PRR33: variants seen among roughly 807,000 people sequenced by gnomAD.
PRR33 encodes the protein proline rich 33.
PRR33 carries 1 observed loss-of-function variant against 0.5 expected under a neutral mutation model. The ratio of observed to expected loss-of-function variants is 2.18; its 90% CI spans 0.77 to 10.34. The LOEUF (loss-of-function observed/expected upper bound fraction) is 10.34, where lower values mean the gene tolerates loss of function less well. PRR33 is among the 30% of genes most tolerant of loss of function. The probability of loss-of-function intolerance (pLI) is 0.13; values close to 1 mark genes in which losing one functional copy is unlikely to be tolerated. For synonymous variants in PRR33, 226 were observed against 110.0 expected (o/e 2.06, Z -6.60); for missense variants, 552 against 251.8 (o/e 2.19, Z -8.07).
chr11:1,889,757 C>T (rs549895566), exon 1 of PRR33: 28 of 653,520 alleles, frequency 4.3e-5, no homozygotes, highest in Admixed American at 7.6e-5. Flanking sequence ...AGGACTCCAG[C>T]GAGCGGCAGG....
chr11:1,897,067 G>A, the PRR33 span, among the ~76,000 whole-genome samples: 1 of 152,200 alleles, frequency 6.6e-6, no homozygotes, highest in African/African-American at 2.4e-5. This position sits in a 1 kb window ranked among gnomAD's most constrained non-coding sequence, Gnocchi z 4.0. Flanking sequence ...CACAGAAACC[G>A]CCAGAGGGGC....
the PRR33 span, among the ~76,000 whole-genome samples, chr11:1,913,368 G>A: frequency 6.7e-6 from 1 of 149,654 alleles, no homozygotes; most frequent in African/African-American, 2.5e-5. Context: ...GGCTGGTCTC[G>A]AACTCCTGAC....
chr11:1,903,552 G>C, the PRR33 span, among the ~76,000 whole-genome samples: 1 of 152,186 alleles, frequency 6.6e-6, no homozygotes, highest in Non-Finnish European at 1.5e-5. Flanking sequence ...CTAATTAGGA[G>C]CCCTTGTTTT....
At chr11:1,906,368 T>C in the PRR33 span, among the ~76,000 whole-genome samples, 1 of 152,212 alleles carries the variant, frequency 6.6e-6, no homozygotes, top group Non-Finnish European at 1.5e-5. Context: ...CTTGGGTTTT[T>C]AGTTGTTAGC....
the PRR33 span, among the ~76,000 whole-genome samples, chr11:1,905,070 T>A: frequency 5.9e-5 from 9 of 152,122 alleles, no homozygotes; most frequent in Admixed American, 5.9e-4. Flanking sequence ...TTTAATTTGC[T>A]TTTCTTTTTC....
chr11:1,912,858 C>T, the PRR33 span, among the ~76,000 whole-genome samples: 790 of 152,308 alleles, frequency 5.2e-3, 8 homozygotes, highest in African/African-American at 0.019. Context: ...CTGCCCTCCT[C>T]GGCCTTCCCA....
the PRR33 span, among the ~76,000 whole-genome samples, chr11:1,910,342 C>T: frequency 8.5e-5 from 13 of 152,164 alleles, no homozygotes; most frequent in Admixed American, 4.6e-4. Context: ...TTCTGCCTCC[C>T]GGGTTCAAGG....
the PRR33 span, among the ~76,000 whole-genome samples, chr11:1,897,868 C>T: frequency 6.6e-6 from 1 of 152,130 alleles, no homozygotes; most frequent in Non-Finnish European, 1.5e-5. This position sits in a 1 kb window ranked among gnomAD's most constrained non-coding sequence, Gnocchi z 4.0. Flanking sequence ...GCCAGGGAGA[C>T]GAGTATTATG....
chr11:1,912,517 A>G, the PRR33 span, among the ~76,000 whole-genome samples: 2 of 152,148 alleles, frequency 1.3e-5, no homozygotes, highest in South Asian at 2.1e-4. Context: ...TTTCGTCGAC[A>G]TTGCTTATTT....
upstream of PRR33, among the ~76,000 whole-genome samples, chr11:1,893,120 G>C (rs1261236258): frequency 1.5e-5 from 2 of 131,474 alleles, no homozygotes; most frequent in South Asian, 6.0e-4. Flanking sequence ...GATGAATAGG[G>C]GATGGATGAA....
At chr11:1,910,570 C>A in the PRR33 span, among the ~76,000 whole-genome samples, 1 of 152,058 alleles carries the variant, frequency 6.6e-6, no homozygotes, top group Non-Finnish European at 1.5e-5. Context: ...TTTCAAGACA[C>A]CCTTTTAACT....
chr11:1,906,947 G>C, the PRR33 span, among the ~76,000 whole-genome samples: 4 of 152,210 alleles, frequency 2.6e-5, no homozygotes, highest in African/African-American at 7.2e-5. Flanking sequence ...CATCAGCTCA[G>C]GGACTCTGTG....
At chr11:1,898,015 C>A in the PRR33 span, among the ~76,000 whole-genome samples, 5 of 152,164 alleles carry the variant, frequency 3.3e-5, no homozygotes, top group Non-Finnish European at 7.3e-5. Flanking sequence ...AAACAAGCAG[C>A]CTGTTTGTTA....
chr11:1,900,553 A>G, the PRR33 span, among the ~76,000 whole-genome samples: 1 of 152,214 alleles, frequency 6.6e-6, no homozygotes, highest in Non-Finnish European at 1.5e-5. Flanking sequence ...TCAATATTGT[A>G]GGACTGTGTG....
chr11:1,901,305 A>G, the PRR33 span, among the ~76,000 whole-genome samples: 1 of 150,892 alleles, frequency 6.6e-6, no homozygotes, highest in East Asian at 1.9e-4. Context: ...AGAGCAAAAC[A>G]CCACCTCTAA....
the PRR33 span, among the ~76,000 whole-genome samples, chr11:1,902,469 T>C: frequency 6.6e-6 from 1 of 152,184 alleles, no homozygotes; most frequent in Non-Finnish European, 1.5e-5. Flanking sequence ...CTGTATGGGA[T>C]AGTAACCAGG....
chr11:1,890,795 G>T (rs1335773205), exon 1 of PRR33: 1 of 589,894 alleles, frequency 1.7e-6, no homozygotes, highest in African/African-American at 1.9e-5. Flanking sequence ...CATCACCCTA[G>T]TGTAGAAATG....
chr11:1,891,619 T>G (rs1849004223), exon 1 of PRR33: 1 of 153,142 alleles, frequency 6.5e-6, no homozygotes, highest in Non-Finnish European at 1.5e-5. Flanking sequence ...AGGCAGGACG[T>G]CTTCTCCTGT....
chr11:1,889,499 C>T (rs1203394597), exon 1 of PRR33: 7 of 618,516 alleles, frequency 1.1e-5, no homozygotes, highest in African/African-American at 3.7e-5. Context: ...GCTCCAGGCT[C>T]TGCCGCGGCT....
Sources: allele counts gnomAD v4.1 joint callset (sites outside exome capture counted in the v4.1 genomes callset), GRCh38; gene constraint gnomAD v4.1.1; non-coding constraint Gnocchi (gnomAD v3.1); transcripts MANE v1.5; gene names NCBI Gene and HGNC (gene_info 2026-07-23, HGNC 2026-07-21).